SYBU: variants seen among roughly 807,000 people sequenced by gnomAD.
SYBU encodes the protein syntabulin.
A neutral mutation model predicts 35.9 loss-of-function variants in SYBU; 21 were observed. That is an observed-to-expected ratio of 0.58 (90% CI 0.41 to 0.84). The LOEUF (loss-of-function observed/expected upper bound fraction) is 0.84. Among genes scored for constraint, SYBU ranks in the 40% least tolerant of loss-of-function variants. The pLI, the probability that SYBU is intolerant of heterozygous loss-of-function variation, is 0.00. For synonymous variants in SYBU, 319 were observed against 324.3 expected, an observed-to-expected ratio of 0.98 and a Z score of 0.18; for missense variants, 768 against 848.2, an observed-to-expected ratio of 0.91 and a Z score of 1.17.
intron 1 of SYBU, among the ~76,000 whole-genome samples, chr8:109,686,228 C>T (rs1420961377): frequency 6.6e-6 from 1 of 151,926 alleles, no homozygotes; most frequent in Non-Finnish European, 1.5e-5. Flanking sequence ...AAAGCACCCC[C>T]CGACAGCCTT....
chr8:109,588,792 T>C (rs1303981789), intron 3 of SYBU, among the ~76,000 whole-genome samples: 2 of 151,614 alleles, frequency 1.3e-5, no homozygotes, highest in Non-Finnish European at 2.9e-5. Context: ...CTTTAAACAG[T>C]GTATGCAACT....
upstream of SYBU, chr8:109,645,692 T>C (rs1420838782): frequency 3.8e-6 from 1 of 260,074 alleles, no homozygotes; most frequent in East Asian, 9.0e-5. Context: ...CAGGCTGTAG[T>C]ACAGTGGCGC....
At chr8:109,644,123 G>C (rs1356745253) in intron 1 of SYBU, 6 of 457,706 alleles carry the variant, frequency 1.3e-5, no homozygotes, top group South Asian at 7.7e-5. Context: ...GTAAACCTCA[G>C]CAATGGGGAA....
chr8:109,644,350 C>T (rs1815337863), intron 1 of SYBU: 1 of 607,600 alleles, frequency 1.6e-6, no homozygotes, highest in Admixed American at 2.3e-5. Context: ...ATCACACACA[C>T]AGGATATCAA....
Position 109,575,200 on chromosome 8 carries a change from T to C in SYBU, c.1698A>G (p.Ala566=). Residue 566 remains alanine (A), a synonymous_variant, in exon 7 of 7, where the codon GCA becomes GCG. Coordinates refer to ENST00000276646, the MANE Select transcript of SYBU (RefSeq NM_001099754.2). The part of the protein sequence containing the change: ...PVETPYANVD[A]EVHANRLMRE... Reference sequence around the variant, plus strand: ...TCATGAGGCGGTTTGCATGAACTTCTGCATCCACATTGGCGTAGGGGGTCT... The same window carrying C: ...TCATGAGGCGGTTTGCATGAACTTCCGCATCCACATTGGCGTAGGGGGTCT... The C allele has an allele frequency of 1.2e-6, 2 of 1,614,218 alleles. No homozygotes were observed. Among genetic ancestry groups the C allele is most frequent in the Non-Finnish European group, 1.7e-6 (2 of 1,180,038 alleles).
intron 1 of SYBU, among the ~76,000 whole-genome samples, chr8:109,664,961 AT>A (rs1227017756): frequency 6.6e-6 from 1 of 152,200 alleles, no homozygotes; most frequent in Non-Finnish European, 1.5e-5. Context: ...CAAATGATAT[AT>A]TCTAATTTCC....
chr8:109,667,303 AGACGGG>A (rs1321386858), intron 1 of SYBU, among the ~76,000 whole-genome samples: 2 of 151,938 alleles, frequency 1.3e-5, no homozygotes, highest in Non-Finnish European at 2.9e-5. Flanking sequence ...TTTTTAGTAG[AGACGGG>A]GTTTCACAGT....
intron 3 of SYBU, among the ~76,000 whole-genome samples, chr8:109,605,160 G>T (rs1375058445): frequency 1.3e-5 from 2 of 152,128 alleles, no homozygotes; most frequent in African/African-American, 4.8e-5. Flanking sequence ...AGCAACTGAC[G>T]AACTGTGCAC....
At chr8:109,664,275 G>A (rs997586541) in intron 1 of SYBU, among the ~76,000 whole-genome samples, 4 of 152,134 alleles carry the variant, frequency 2.6e-5, no homozygotes, top group African/African-American at 4.8e-5. Context: ...TCTATTATGT[G>A]GGGGAGGGTG....
chr8:109,685,130 C>T (rs1817492185), upstream of SYBU, among the ~76,000 whole-genome samples: 1 of 152,114 alleles, frequency 6.6e-6, no homozygotes, highest in Non-Finnish European at 1.5e-5. Flanking sequence ...TTAAGACAGT[C>T]TCTTAACTTT....
At chr8:109,630,121 T>C (rs1813442836) in intron 2 of SYBU, among the ~76,000 whole-genome samples, 1 of 151,732 alleles carries the variant, frequency 6.6e-6, no homozygotes, top group Non-Finnish European at 1.5e-5. Flanking sequence ...ATGTCCTTTG[T>C]AGGGACATGG....
chr8:109,675,382 T>C (rs866514391), intron 1 of SYBU, among the ~76,000 whole-genome samples: 2 of 152,020 alleles, frequency 1.3e-5, no homozygotes, highest in Non-Finnish European at 2.9e-5. Flanking sequence ...ACAAAATAGA[T>C]AGACTGCTAG....
At chr8:109,588,521 A>G (rs1462519241) in intron 3 of SYBU, among the ~76,000 whole-genome samples, 1 of 152,224 alleles carries the variant, frequency 6.6e-6, no homozygotes, top group Non-Finnish European at 1.5e-5. Context: ...TGAAAAATGT[A>G]TATACTACTT....
intron 3 of SYBU, among the ~76,000 whole-genome samples, chr8:109,591,474 A>G (rs976864827): frequency 4.6e-5 from 7 of 151,612 alleles, no homozygotes; most frequent in African/African-American, 1.5e-4. Context: ...TGATGTATGA[A>G]CAATCCATTT....
intron 1 of SYBU, among the ~76,000 whole-genome samples, chr8:109,675,222 GA>G (rs1269340839): frequency 6.6e-6 from 1 of 151,942 alleles, no homozygotes; most frequent in African/African-American, 2.4e-5. Flanking sequence ...ACATCACAAT[GA>G]AAAGAACTAG....
chr8:109,585,375 T>C (rs1823495177), intron 4 of SYBU, among the ~76,000 whole-genome samples: 1 of 152,230 alleles, frequency 6.6e-6, no homozygotes, highest in African/African-American at 2.4e-5. Context: ...TGTTTAATCC[T>C]AACAATAAAC....
At chr8:109,668,524 T>G (rs1302799581) in intron 1 of SYBU, among the ~76,000 whole-genome samples, 1 of 152,190 alleles carries the variant, frequency 6.6e-6, no homozygotes, top group Non-Finnish European at 1.5e-5. Context: ...ATATGATTCT[T>G]CCACCTTTGT....
intron 3 of SYBU, among the ~76,000 whole-genome samples, chr8:109,587,305 T>C (rs866022235): frequency 6.6e-6 from 1 of 152,370 alleles, no homozygotes; most frequent in African/African-American, 2.4e-5. Context: ...TCCCAGGCCC[T>C]GTTCACGATA....
chr8:109,662,712 A>G (rs1487882550), intron 1 of SYBU, among the ~76,000 whole-genome samples: 2 of 152,228 alleles, frequency 1.3e-5, no homozygotes, highest in Admixed American at 6.5e-5. Flanking sequence ...TTGGGCTTCA[A>G]TAGCTTTTCA....
Sources: gnomAD v4.1 joint callset for allele counts (sites outside exome capture counted in the v4.1 genomes callset) on GRCh38, gnomAD v4.1.1 for gene constraint, MANE v1.5 for transcripts, NCBI Gene and HGNC (gene_info 2026-07-23, HGNC 2026-07-21) for gene names.